The following CDKAL1 variants were observed in gnomAD, a reference collection of about 807,000 sequenced individuals.
CDKAL1 encodes the protein threonylcarbamoyladenosine tRNA methylthiotransferase.
CDKAL1 carries 32 observed loss-of-function variants against 68.2 expected under a neutral mutation model. That is an observed-to-expected ratio of 0.47 (90% CI 0.35 to 0.63). CDKAL1 has a LOEUF of 0.63. Among genes scored for constraint, CDKAL1 ranks in the 30% least tolerant of loss-of-function variants. CDKAL1 has a pLI of 0.00. For synonymous variants in CDKAL1, 234 were observed against 244.3 expected, an observed-to-expected ratio of 0.96 and a Z score of 0.39; for missense variants, 606 against 696.7, an observed-to-expected ratio of 0.87 and a Z score of 1.47.
At chr6:21,218,077 T>G (rs1779407139) in intron 15 of CDKAL1, among the ~76,000 whole-genome samples, 1 of 152,260 alleles carries the variant, frequency 6.6e-6, no homozygotes, top group Non-Finnish European at 1.5e-5. Context: ...CCTCCCTACC[T>G]TGTGGTTAGA....
intron 4 of CDKAL1, among the ~76,000 whole-genome samples, chr6:20,596,164 C>T (rs1453705719): frequency 3.9e-5 from 6 of 152,192 alleles, no homozygotes; most frequent in Admixed American, 6.5e-5. Context: ...GGAGGCAGTC[C>T]TGTCCCTTAG....
intron 9 of CDKAL1, among the ~76,000 whole-genome samples, chr6:20,862,779 CACTT>C (rs200920903): frequency 0.013 from 1,945 of 152,288 alleles, 26 homozygotes; most frequent in African/African-American, 0.044. Flanking sequence ...GTAATCCCAG[CACTT>C]TGGGAGGCTG....
At chr6:20,683,196 G>C (rs1399789183) in intron 5 of CDKAL1, among the ~76,000 whole-genome samples, 1 of 152,052 alleles carries the variant, frequency 6.6e-6, no homozygotes, top group African/African-American at 2.4e-5. Context: ...TGGAGCTTAG[G>C]AAACAAGTTT....
rs10558500 is a variant in CDKAL1, at chr6:20,951,957, CTTTTTTTTT to C, written c.743-3451_743-3443del. ...CCTGCTTTTATCTCTTTTTCATTTT[CTTTTTTTTT>C]TTTTTTTTTTGAGACGGAGTCTTGC... is the stretch of plus-strand genomic sequence containing the variant. On this transcript the variant is annotated intron_variant, in intron 9 of 15. Transcript: ENST00000274695. 9.5e-4 allele frequency among the ~76,000 whole-genome samples: 87 copies of C among 91,802 alleles called. 1 individual carries two copies. The highest frequency in any genetic ancestry group is 3.3e-3 in the African/African-American group (83 of 25,112). The allele number at this position is 91,802 out of a possible 152,430, so 60.2% of individuals were successfully genotyped here.
At chr6:20,699,154 G>T (rs16884137) in intron 5 of CDKAL1, among the ~76,000 whole-genome samples, 2,282 of 152,110 alleles carry the variant, frequency 0.015, 48 homozygotes, top group African/African-American at 0.052. Flanking sequence ...TGAGCAATAT[G>T]TCAAAACATT....
intron 4 of CDKAL1, among the ~76,000 whole-genome samples, chr6:20,552,104 G>A (rs917662318): frequency 6.6e-6 from 1 of 151,824 alleles, no homozygotes; most frequent in Non-Finnish European, 1.5e-5. Context: ...TTTGGAGGCC[G>A]AGGTGAGAGA....
chr6:20,748,555 G>GGAAAAAAAAAAAAAAAAAAAAAAA (rs1773766913), intron 6 of CDKAL1, among the ~76,000 whole-genome samples: 1 of 28,740 alleles, frequency 3.5e-5, no homozygotes, highest in African/African-American at 1.2e-4. Context: ...TCTGTTTCTG[G>GGAAAAAAAAAAAAAAAAAAAAAAA]AAAAAAAAAA....
chr6:20,770,153 A>G (rs1774877773), intron 7 of CDKAL1, among the ~76,000 whole-genome samples: 1 of 152,014 alleles, frequency 6.6e-6, no homozygotes, highest in Admixed American at 6.6e-5. Flanking sequence ...TAAGGAGTTA[A>G]TAAAGATACG....
intron 4 of CDKAL1, among the ~76,000 whole-genome samples, chr6:20,631,571 C>A (rs1018197616): frequency 2.6e-5 from 4 of 152,112 alleles, no homozygotes; most frequent in African/African-American, 9.7e-5. Flanking sequence ...ATCTATTTCC[C>A]CATAATTAAT....
chr6:20,934,913 T>TC (rs1351746820), intron 9 of CDKAL1, among the ~76,000 whole-genome samples: 1 of 151,442 alleles, frequency 6.6e-6, no homozygotes, highest in African/African-American at 2.4e-5. Flanking sequence ...TTTTTTTTTT[T>TC]TTTTGAGTTG....
chr6:20,645,320 A>T (rs1195588546), intron 4 of CDKAL1, among the ~76,000 whole-genome samples: 2 of 152,354 alleles, frequency 1.3e-5, no homozygotes, highest in East Asian at 3.9e-4. Flanking sequence ...TTTTTACTTT[A>T]TGAACCTTTT....
At chr6:21,009,464 A>T (rs187111788) in intron 11 of CDKAL1, among the ~76,000 whole-genome samples, 11 of 152,310 alleles carry the variant, frequency 7.2e-5, no homozygotes, top group Admixed American at 7.2e-4. Flanking sequence ...GTGTTTGTTA[A>T]AGCAGAATGA....
At chr6:20,732,535 C>T (rs905165772) in intron 5 of CDKAL1, among the ~76,000 whole-genome samples, 8 of 151,764 alleles carry the variant, frequency 5.3e-5, no homozygotes, top group Non-Finnish European at 1.0e-4. Flanking sequence ...GATCTGCCCG[C>T]CTCTGCCTCC....
intron 4 of CDKAL1, among the ~76,000 whole-genome samples, chr6:20,594,865 G>A (rs956234955): frequency 1.3e-5 from 2 of 152,128 alleles, no homozygotes; most frequent in African/African-American, 2.4e-5. Flanking sequence ...ACTCTAGTAA[G>A]GCAGGCCTGG....
intron 6 of CDKAL1, among the ~76,000 whole-genome samples, chr6:20,750,366 C>T (rs986042599): frequency 6.6e-6 from 1 of 152,046 alleles, no homozygotes; most frequent in African/African-American, 2.4e-5. Flanking sequence ...TGTTATGTCC[C>T]CAGTTACTAG....
intron 8 of CDKAL1, among the ~76,000 whole-genome samples, chr6:20,790,096 G>A (rs959212209): frequency 7.2e-5 from 11 of 152,016 alleles, no homozygotes; most frequent in East Asian, 3.9e-4. Flanking sequence ...ACACCTAGCC[G>A]GGACATCAAT....
intron 9 of CDKAL1, among the ~76,000 whole-genome samples, chr6:20,910,415 C>T (rs1762417237): frequency 6.6e-6 from 1 of 152,258 alleles, no homozygotes; most frequent in South Asian, 2.1e-4. Flanking sequence ...GAAAATAGTC[C>T]ATTGTTTATT....
intron 4 of CDKAL1, among the ~76,000 whole-genome samples, chr6:20,630,026 G>A (rs144130554): frequency 6.6e-6 from 1 of 151,872 alleles, no homozygotes; most frequent in Non-Finnish European, 1.5e-5. Flanking sequence ...GCTAATTTTT[G>A]TATTTTTAGG....
At chr6:20,771,975 A>G (rs534460855) in intron 7 of CDKAL1, among the ~76,000 whole-genome samples, 24 of 152,330 alleles carry the variant, frequency 1.6e-4, no homozygotes, top group Non-Finnish European at 3.4e-4. Context: ...ATAGCAGTGC[A>G]TAAAATGGCC....
Sources: gnomAD v4.1 joint callset for allele counts (sites outside exome capture counted in the v4.1 genomes callset) on GRCh38, gnomAD v4.1.1 for gene constraint, MANE v1.5 for transcripts, NCBI Gene and HGNC (gene_info 2026-07-23, HGNC 2026-07-21) for gene names.